ZNF469: variants seen among roughly 807,000 people sequenced by gnomAD.
ZNF469 encodes the protein zinc finger protein 469.
In ZNF469, 1 loss-of-function variant was observed where a neutral mutation model predicts 1.0. The observed-to-expected ratio is 1.00, with a 90% CI of 0.35 to 4.73. ZNF469 has a LOEUF of 4.73. Ranked by LOEUF, ZNF469 falls within the 30% of genes most tolerant of loss-of-function variation. ZNF469 has a pLI of 0.16. For missense variants in ZNF469, 6,100 were observed against 5,356.3 expected (o/e 1.14, Z -4.33); for synonymous variants, 2,703 against 2,363.4 (o/e 1.14, Z -4.17).
chr16:88,176,160 C>G, the ZNF469 span, among the ~76,000 whole-genome samples: 1 of 151,414 alleles, frequency 6.6e-6, no homozygotes, highest in South Asian at 2.1e-4. Flanking sequence ...CACCGAAGCT[C>G]ATAAAATGCT....
chr16:88,221,773 C>T, the ZNF469 span, among the ~76,000 whole-genome samples: 7 of 152,300 alleles, frequency 4.6e-5, no homozygotes, highest in South Asian at 4.1e-4. Context: ...CTGGGGTCTC[C>T]GAGGGAGAAT....
chr16:88,244,058 T>C, the ZNF469 span, among the ~76,000 whole-genome samples: 775 of 142,258 alleles, frequency 5.4e-3, 12 homozygotes, highest in African/African-American at 0.019. Context: ...AATGGATGAG[T>C]GCATGGATGG....
chr16:88,238,813 T>A, the ZNF469 span, among the ~76,000 whole-genome samples: 1 of 152,342 alleles, frequency 6.6e-6, no homozygotes, highest in Non-Finnish European at 1.5e-5. Context: ...CCCACTGTCC[T>A]TGTTGAGAAG....
At chr16:88,187,536 G>A in the ZNF469 span, among the ~76,000 whole-genome samples, 3 of 152,304 alleles carry the variant, frequency 2.0e-5, no homozygotes, top group East Asian at 3.9e-4. Flanking sequence ...GGCACCAGCC[G>A]GGACCCCAAC....
the ZNF469 span, among the ~76,000 whole-genome samples, chr16:88,259,371 G>T: frequency 6.6e-6 from 1 of 152,128 alleles, no homozygotes; most frequent in African/African-American, 2.4e-5. This position sits in a 1 kb window ranked among gnomAD's most constrained non-coding sequence, Gnocchi z 4.1. Context: ...ATTCTGCGGA[G>T]TCTGCGAAAC....
At chr16:88,394,678 A>G (rs1904604265) in intron 1 of ZNF469, among the ~76,000 whole-genome samples, 1 of 152,012 alleles carries the variant, frequency 6.6e-6, no homozygotes, top group South Asian at 2.1e-4. Flanking sequence ...GTACCTTGTC[A>G]TTTTTTTGGC....
chr16:88,326,795 A>C, the ZNF469 span, among the ~76,000 whole-genome samples: 6 of 152,140 alleles, frequency 3.9e-5, no homozygotes, highest in South Asian at 1.0e-3. Context: ...CCAGGGCAGC[A>C]CTCGGGCCGG....
chr16:88,312,263 G>T, the ZNF469 span, among the ~76,000 whole-genome samples: 1 of 152,242 alleles, frequency 6.6e-6, no homozygotes, highest in Non-Finnish European at 1.5e-5. Flanking sequence ...TTTGGGTGGG[G>T]ACACAGCCAA....
chr16:88,164,370 A>G, the ZNF469 span, among the ~76,000 whole-genome samples: 1 of 152,018 alleles, frequency 6.6e-6, no homozygotes, highest in Non-Finnish European at 1.5e-5. Context: ...GGATGAATGG[A>G]TGGGTGGACG....
chr16:88,436,438 C>T lies in ZNF469; in HGVS notation c.8968C>T (p.Leu2990=). 1 of 1,548,478 alleles carries T rather than the reference C, an allele frequency of 6.5e-7. No individual in the cohort carries two copies. Among genetic ancestry groups the T allele is most frequent in the African/African-American group, 1.4e-5 (1 of 73,182 alleles). The change falls in exon 3 of 3, where the codon CTG becomes TTG. Residue 2990 remains leucine (L), a synonymous_variant. Transcript: ENST00000565624. Reference sequence around the variant, plus strand: ...CGATCGGCCGGAGGCCATTCCTGAGCTGCACATGGTCCCAGCGGCTTGGCG... The same window carrying T: ...CGATCGGCCGGAGGCCATTCCTGAGTTGCACATGGTCCCAGCGGCTTGGCG... ...EDDRPEAIPE[L]HMVPAAWRGL...
chr16:88,431,841 A>C lies in ZNF469; in HGVS notation c.4371A>C (p.Pro1457=). 1 of 1,549,892 alleles carries C rather than the reference A, an allele frequency of 6.5e-7. No individual in the cohort carries two copies. The highest frequency in any genetic ancestry group is 8.7e-7 in the Non-Finnish European group (1 of 1,146,910). The change falls in exon 3 of 3, where the codon CCA becomes CCC. Residue 1457 remains proline (P), a synonymous_variant. Coordinates refer to ENST00000565624, the MANE Select transcript of ZNF469 (RefSeq NM_001367624.2). ...CCTTGGAGTCCTCATCCCTCTTCCC[A>C]GACCTGCCGGTGGACAGATTCGACC... ...PPTLESSSLF[P]DLPVDRFDPP...
chr16:88,115,194 A>C, the ZNF469 span, among the ~76,000 whole-genome samples: 2 of 152,190 alleles, frequency 1.3e-5, 1 homozygote, highest in South Asian at 4.1e-4. Flanking sequence ...TAGTGCACAA[A>C]GGGGAAACGT....
chr16:88,304,456 CT>C, the ZNF469 span, among the ~76,000 whole-genome samples: 1 of 152,228 alleles, frequency 6.6e-6, no homozygotes, highest in African/African-American at 2.4e-5. Flanking sequence ...AGACCTCTCT[CT>C]CCAAGAGCGG....
At chr16:88,329,090 T>C in the ZNF469 span, among the ~76,000 whole-genome samples, 1 of 152,194 alleles carries the variant, frequency 6.6e-6, no homozygotes, top group Non-Finnish European at 1.5e-5. Flanking sequence ...CGACCCATGA[T>C]GTGCTGACCG....
At chr16:88,308,857 G>A in the ZNF469 span, among the ~76,000 whole-genome samples, 1 of 152,200 alleles carries the variant, frequency 6.6e-6, no homozygotes, top group African/African-American at 2.4e-5. Flanking sequence ...GTGGGGAGCA[G>A]GACTGACCAG....
At chr16:88,174,409 G>A in the ZNF469 span, among the ~76,000 whole-genome samples, 1 of 152,046 alleles carries the variant, frequency 6.6e-6, no homozygotes, top group African/African-American at 2.4e-5. Context: ...GGAGGCTTCA[G>A]TACCCCTGTA....
intron 1 of ZNF469, among the ~76,000 whole-genome samples, chr16:88,388,721 C>T (rs1162389469): frequency 6.6e-6 from 1 of 152,218 alleles, no homozygotes; most frequent in Non-Finnish European, 1.5e-5. Flanking sequence ...CAGGGCCAGT[C>T]TCCATACTGG....
At chr16:88,210,793 G>C in the ZNF469 span, among the ~76,000 whole-genome samples, 2 of 152,140 alleles carry the variant, frequency 1.3e-5, no homozygotes, top group Non-Finnish European at 2.9e-5. Flanking sequence ...TTGTGTATCG[G>C]TCCCACACTT....
the ZNF469 span, among the ~76,000 whole-genome samples, chr16:88,306,646 G>A: frequency 6.6e-6 from 1 of 152,196 alleles, no homozygotes; most frequent in Non-Finnish European, 1.5e-5. Context: ...ATTGCTTGAT[G>A]CTGTTGGAAC....
Sources: gnomAD v4.1 joint callset for allele counts (sites outside exome capture counted in the v4.1 genomes callset) on GRCh38, gnomAD v4.1.1 for gene constraint, Gnocchi (gnomAD v3.1) non-coding constraint, MANE v1.5 for transcripts, NCBI Gene and HGNC (gene_info 2026-07-23, HGNC 2026-07-21) for gene names.